The following ERC2 variants were observed in gnomAD, a reference collection of about 807,000 sequenced individuals.
The protein encoded by ERC2 is ERC protein 2.
A neutral mutation model predicts 114.8 loss-of-function variants in ERC2; 42 were observed. The ratio of observed to expected loss-of-function variants is 0.37; its 90% CI spans 0.29 to 0.47. ERC2 has a LOEUF of 0.47. Among genes scored for constraint, ERC2 ranks in the 20% least tolerant of loss-of-function variants. The pLI, the probability that ERC2 is intolerant of heterozygous loss-of-function variation, is 0.99. For synonymous variants in ERC2, 454 were observed against 425.5 expected, an observed-to-expected ratio of 1.07 and a Z score of -0.82; for missense variants, 939 against 1,150.7, an observed-to-expected ratio of 0.82 and a Z score of 2.66.
chr3:55,745,664 A>G lies in ERC2; in HGVS notation c.2565-10746T>C, dbSNP rs9861038. ...CAGGTTATAGATGAGTGATAATGAG[A>G]AAACCAAATACATCTGGACTTCACT... On this transcript the variant is annotated intron_variant, in intron 14 of 17. Transcript: ENST00000288221. Among the ~76,000 whole-genome samples, 730 of 152,358 alleles carry G rather than the reference A, an allele frequency of 4.8e-3. 7 individuals are homozygous for G. Among genetic ancestry groups the G allele is most frequent in the African/African-American group, 0.017 (708 of 41,596 alleles).
chr3:56,104,429 T>A (rs1402460139), intron 6 of ERC2, among the ~76,000 whole-genome samples: 2 of 152,220 alleles, frequency 1.3e-5, no homozygotes, highest in African/African-American at 4.8e-5. Flanking sequence ...CCCAAAGACC[T>A]ATAAACATTT....
intron 13 of ERC2, among the ~76,000 whole-genome samples, chr3:55,908,824 G>C (rs1267984846): frequency 2.0e-5 from 3 of 152,160 alleles, no homozygotes; most frequent in Non-Finnish European, 4.4e-5. Context: ...CATCAAGGAA[G>C]AAAAGGGTCA....
chr3:55,530,859 C>T (rs981605290), intron 17 of ERC2, among the ~76,000 whole-genome samples: 3 of 152,174 alleles, frequency 2.0e-5, no homozygotes, highest in African/African-American at 7.2e-5. Context: ...TGGGGGTGGG[C>T]ATCCCCCCTC....
intron 6 of ERC2, among the ~76,000 whole-genome samples, chr3:56,138,611 A>G (rs1022933826): frequency 5.3e-5 from 8 of 152,180 alleles, no homozygotes; most frequent in Non-Finnish European, 8.8e-5. Context: ...AAACCTCCCC[A>G]CAGATGCTAA....
intron 17 of ERC2, among the ~76,000 whole-genome samples, chr3:55,632,396 TA>T (rs1038919024): frequency 6.6e-6 from 1 of 152,144 alleles, no homozygotes; most frequent in African/African-American, 2.4e-5. Context: ...TTCAAGCTCA[TA>T]TTTTTTTTTC....
rs951670082 is a variant in ERC2, at chr3:55,994,514, G to A, written c.2062-2264C>T. Reference sequence around the variant, plus strand: ...ATGAAAACTACAAAATGACAAACACGGGGGGAGATATTACTCACTTTTGTT... The same window carrying A: ...ATGAAAACTACAAAATGACAAACACAGGGGGAGATATTACTCACTTTTGTT... On this transcript the variant is annotated intron_variant, in intron 10 of 17. Transcript: ENST00000288221. Among the ~76,000 whole-genome samples, 7 of 151,884 alleles carry A rather than the reference G, an allele frequency of 4.6e-5. No individual in the cohort carries two copies. In the South Asian group the frequency reaches 6.3e-4, roughly 14 times the overall value.
At chr3:55,992,323 G>T in intron 10 of ERC2, 73 bp from the exon 11 acceptor site, 3 of 1,307,580 alleles carry the variant, frequency 2.3e-6, no homozygotes, top group South Asian at 1.5e-5. Context: ...GTCACCAATG[G>T]TCCAGAAATT....
intron 6 of ERC2, among the ~76,000 whole-genome samples, chr3:56,104,302 C>T (rs1002055251): frequency 5.3e-4 from 80 of 152,232 alleles, no homozygotes; most frequent in African/African-American, 1.7e-3. Context: ...CATCGCAACT[C>T]TCTTCAAGAC....
At chr3:55,786,545 G>T (rs1400012185) in intron 14 of ERC2, among the ~76,000 whole-genome samples, 1 of 152,322 alleles carries the variant, frequency 6.6e-6, no homozygotes, top group East Asian at 1.9e-4. Context: ...ACCAAGCACT[G>T]TGCCAAGTAC....
At chr3:55,699,337 G>T in intron 16 of ERC2, 41 bp downstream of exon 16, 1 of 1,610,902 alleles carries the variant, frequency 6.2e-7, no homozygotes. Context: ...AATATCTAAA[G>T]GGTAAAAGGG....
intron 2 of ERC2, among the ~76,000 whole-genome samples, chr3:56,298,796 T>G (rs955316696): frequency 6.6e-6 from 1 of 152,136 alleles, no homozygotes; most frequent in African/African-American, 2.4e-5. Context: ...TTGCACCACT[T>G]TGTGAATATA....
intron 13 of ERC2, among the ~76,000 whole-genome samples, chr3:55,910,022 G>A (rs572486043): frequency 7.2e-5 from 11 of 151,900 alleles, no homozygotes; most frequent in Non-Finnish European, 1.6e-4. Context: ...TATTCAGGTT[G>A]TTTTTTTTCT....
chr3:56,453,419 G>A (rs543907621), intron 1 of ERC2, among the ~76,000 whole-genome samples: 34 of 152,304 alleles, frequency 2.2e-4, no homozygotes, highest in Non-Finnish European at 4.4e-4. Context: ...GAGATTTGGA[G>A]GTCCTTTGTT....
At chr3:55,959,889 G>T (rs1490195991) in intron 12 of ERC2, among the ~76,000 whole-genome samples, 3 of 152,218 alleles carry the variant, frequency 2.0e-5, no homozygotes, top group Non-Finnish European at 4.4e-5. Flanking sequence ...ACTTCCAGGA[G>T]GGTTCAAAGC....
intron 14 of ERC2, among the ~76,000 whole-genome samples, chr3:55,841,627 T>C (rs2149216515): frequency 6.6e-6 from 1 of 152,324 alleles, no homozygotes; most frequent in Admixed American, 6.5e-5. Flanking sequence ...GCTTTTCATA[T>C]CATCTAATTC....
At chr3:55,732,827 A>G (rs2065338589) in intron 15 of ERC2, among the ~76,000 whole-genome samples, 2 of 152,204 alleles carry the variant, frequency 1.3e-5, no homozygotes, top group South Asian at 2.1e-4. Context: ...AAATGAAATG[A>G]CACTGCAAAT....
intron 2 of ERC2, among the ~76,000 whole-genome samples, chr3:56,331,575 T>G (rs1181355415): frequency 1.3e-5 from 2 of 152,216 alleles, no homozygotes; most frequent in Non-Finnish European, 2.9e-5. Flanking sequence ...GAACCAAGTT[T>G]CTACCACCCA....
At chr3:56,242,754 A>T (rs2051407481) in intron 3 of ERC2, among the ~76,000 whole-genome samples, 1 of 152,078 alleles carries the variant, frequency 6.6e-6, no homozygotes, top group Non-Finnish European at 1.5e-5. Context: ...AGAAAGAAAA[A>T]GTTTGCTGAG....
At chr3:55,925,973 A>G (rs953912956) in intron 13 of ERC2, among the ~76,000 whole-genome samples, 10 of 152,224 alleles carry the variant, frequency 6.6e-5, no homozygotes, top group Non-Finnish European at 1.0e-4. Flanking sequence ...TTCATTAGAC[A>G]CAGCACTTTT....
Sources: gnomAD v4.1 joint callset for allele counts (sites outside exome capture counted in the v4.1 genomes callset) on GRCh38, gnomAD v4.1.1 for gene constraint, MANE v1.5 for transcripts, NCBI Gene and HGNC (gene_info 2026-07-23, HGNC 2026-07-21) for gene names.